The following MAPK4 variants were observed in gnomAD, a reference collection of about 807,000 sequenced individuals.
The protein encoded by MAPK4 is mitogen-activated protein kinase 4.
Under a neutral mutation model 47.7 loss-of-function variants are expected in MAPK4, and 22 were observed. The ratio of observed to expected loss-of-function variants is 0.46; its 90% CI spans 0.33 to 0.66. The LOEUF is 0.66. Among genes scored for constraint, MAPK4 ranks in the 30% least tolerant of loss-of-function variants. The pLI is 0.02. For missense variants in MAPK4, 736 were observed against 831.7 expected, an observed-to-expected ratio of 0.88 and a Z score of 1.42; for synonymous variants, 390 against 365.7, an observed-to-expected ratio of 1.07 and a Z score of -0.76.
intron 2 of MAPK4, among the ~76,000 whole-genome samples, chr18:50,698,466 A>G (rs1310799861): frequency 1.3e-5 from 2 of 152,242 alleles, no homozygotes; most frequent in Admixed American, 1.3e-4. Flanking sequence ...TAAAAAAGAA[A>G]GAAAACACCT....
At chr18:50,706,026 C>T (rs540226810) in intron 2 of MAPK4, 1 of 152,346 alleles carries the variant, frequency 6.6e-6, no homozygotes, top group East Asian at 1.9e-4. Context: ...AGCCCCATCT[C>T]TCTACCTGTT....
chr18:50,659,134 A>G (rs2144234788), intron 1 of MAPK4, among the ~76,000 whole-genome samples: 1 of 152,286 alleles, frequency 6.6e-6, no homozygotes, highest in Middle Eastern at 3.4e-3. Context: ...AAACATGGAA[A>G]TATTTGTTAT....
Position 50,721,932 on chromosome 18 carries a change from C to T in MAPK4, c.692-6C>T, listed in dbSNP as rs573069069. On this transcript the variant is annotated splice_region_variant and splice_polypyrimidine_tract_variant and intron_variant, in intron 3 of 5. Coordinates refer to ENST00000400384, the MANE Select transcript of MAPK4 (RefSeq NM_002747.4). ...CACACTTAACCATCTGGCATTGCCT[C>T]CCCAGGGGCCCATGAGCTGGAGCAG... 2 of 1,613,880 alleles carry T rather than the reference C, an allele frequency of 1.2e-6. No homozygotes were observed. The highest frequency in any genetic ancestry group is 2.2e-5 in the East Asian group (1 of 44,888).
At chr18:50,617,402 C>T (rs374286299) in intron 1 of MAPK4, among the ~76,000 whole-genome samples, 55 of 152,214 alleles carry the variant, frequency 3.6e-4, no homozygotes, top group African/African-American at 1.2e-3. Context: ...ACTTTATTTC[C>T]TTCTTACCAG....
At chr18:50,717,616 C>G (rs866614577) in intron 3 of MAPK4, among the ~76,000 whole-genome samples, 1 of 152,074 alleles carries the variant, frequency 6.6e-6, no homozygotes, top group African/African-American at 2.4e-5. Flanking sequence ...CTTCTAGTAT[C>G]CCCTAAGAGC....
intron 2 of MAPK4, among the ~76,000 whole-genome samples, chr18:50,665,458 A>C (rs373066116): frequency 6.6e-6 from 1 of 152,252 alleles, no homozygotes; most frequent in African/African-American, 2.4e-5. Flanking sequence ...AGAATAAAAC[A>C]TCTCCTTGGG....
intron 1 of MAPK4, among the ~76,000 whole-genome samples, chr18:50,620,388 C>G (rs2042721470): frequency 6.6e-6 from 1 of 152,210 alleles, no homozygotes; most frequent in Admixed American, 6.5e-5. Flanking sequence ...AAGAACTTAT[C>G]TAATAAAATG....
chr18:50,630,573 G>C (rs1486016630), intron 1 of MAPK4, among the ~76,000 whole-genome samples: 1 of 152,162 alleles, frequency 6.6e-6, no homozygotes, highest in Non-Finnish European at 1.5e-5. Context: ...GTGCTGACCT[G>C]ACCCAGCTCC....
rs796902049 is a variant in MAPK4 at position 50,664,679 on chromosome 18, G to A, written c.546+175G>A. On this transcript the variant is annotated intron_variant, in intron 2 of 5. Coordinates refer to ENST00000400384, the MANE Select transcript of MAPK4 (RefSeq NM_002747.4). This position sits in a 1 kb window ranked among gnomAD's most constrained non-coding sequence, Gnocchi z 6.0. The stretch of plus-strand genomic sequence containing the variant: ...CTGAAAAGTTGTTGGAGGCGTGGAG[G>A]GAGATCTGGTTCTTGGTCTTGGCTC... 3.9e-5 allele frequency among the ~76,000 whole-genome samples: 6 copies of A among 152,296 alleles called. No homozygotes were observed. Among genetic ancestry groups the A allele is most frequent in the African/African-American group, 1.2e-4 (5 of 41,560 alleles).
chr18:50,579,274 T>C (rs993333790), intron 1 of MAPK4, among the ~76,000 whole-genome samples: 1 of 152,172 alleles, frequency 6.6e-6, no homozygotes, highest in East Asian at 1.9e-4. Context: ...ACATGGCCTG[T>C]GCATCATTTT....
At chr18:50,577,365 C>G (rs2042306914) in intron 1 of MAPK4, among the ~76,000 whole-genome samples, 1 of 152,022 alleles carries the variant, frequency 6.6e-6, no homozygotes, top group Non-Finnish European at 1.5e-5. Flanking sequence ...GCGTGGGGTC[C>G]AGACATCAGT....
intron 1 of MAPK4, among the ~76,000 whole-genome samples, chr18:50,598,021 C>T (rs935064756): frequency 6.6e-6 from 1 of 152,182 alleles, no homozygotes; most frequent in Non-Finnish European, 1.5e-5. Context: ...TTTTTAGTCC[C>T]TCTGTGTTTA....
chr18:50,728,957 A>T (rs553048322), intron 5 of MAPK4, among the ~76,000 whole-genome samples: 1 of 152,336 alleles, frequency 6.6e-6, no homozygotes, highest in South Asian at 2.1e-4. Context: ...CGTACAAAAG[A>T]ACACAAGAGT....
intron 1 of MAPK4, among the ~76,000 whole-genome samples, chr18:50,647,168 G>A (rs1215000403): frequency 6.6e-6 from 1 of 152,224 alleles, no homozygotes; most frequent in Non-Finnish European, 1.5e-5. Context: ...AGTGAAAGTT[G>A]CTTTGCAAAT....
At chr18:50,683,743 G>A (rs1175340611) in intron 2 of MAPK4, among the ~76,000 whole-genome samples, 1 of 152,140 alleles carries the variant, frequency 6.6e-6, no homozygotes, top group Non-Finnish European at 1.5e-5. Context: ...TACCCACACA[G>A]CTCTTTCAGC....
rs1351639834 is a variant in MAPK4, at chr18:50,729,987, G to C, written c.*133G>C. 4.3e-6 allele frequency: 4 copies of C among 929,398 alleles called. No homozygotes were observed. The South Asian group carries it at 8.4e-5, about 19-fold the overall frequency. 57.6% of individuals were successfully genotyped at this position (929,398 alleles called of 1,614,324 possible). ...GCAGAACACGTGAAGGATCCGAGGA[G>C]CGAGAGGAATGTCCATTTCTTAAAC... is the stretch of plus-strand genomic sequence containing the variant. On this transcript the variant is annotated 3_prime_UTR_variant, in exon 6 of 6. Transcript: ENST00000400384.
At chr18:50,566,692 G>A (rs960199741) in intron 1 of MAPK4, among the ~76,000 whole-genome samples, 48 of 152,118 alleles carry the variant, frequency 3.2e-4, no homozygotes, top group African/African-American at 9.7e-4. Context: ...AAATTGAGAC[G>A]GTTCAATTGG....
chr18:50,579,854 G>T (rs749105869), intron 1 of MAPK4, among the ~76,000 whole-genome samples: 66 of 152,324 alleles, frequency 4.3e-4, no homozygotes, highest in Non-Finnish European at 8.8e-4. Context: ...CTAATTGTTG[G>T]CTAGGGACAA....
At chr18:50,681,920 A>G (rs1908609361) in intron 2 of MAPK4, among the ~76,000 whole-genome samples, 2 of 152,218 alleles carry the variant, frequency 1.3e-5, no homozygotes. Context: ...GATACAGGCT[A>G]TAATGAGTGA....
Sources: allele counts gnomAD v4.1 joint callset (sites outside exome capture counted in the v4.1 genomes callset), GRCh38; gene constraint gnomAD v4.1.1; non-coding constraint Gnocchi (gnomAD v3.1); transcripts MANE v1.5; gene names NCBI Gene and HGNC (gene_info 2026-07-23, HGNC 2026-07-21).